Variants in NKAIN1 observed in about 807,000 individuals in gnomAD.
The protein encoded by NKAIN1 is sodium/potassium transporting ATPase interacting 1.
In NKAIN1, 13 loss-of-function variants were observed where a neutral mutation model predicts 31.6. That is an observed-to-expected ratio of 0.41 (90% confidence interval 0.27 to 0.65). The LOEUF (loss-of-function observed/expected upper bound fraction) is 0.65. Among genes scored for constraint, NKAIN1 ranks in the 30% least tolerant of loss-of-function variants. The pLI is 0.30. For missense variants in NKAIN1, 193 were observed against 262.2 expected (o/e 0.74, Z 1.82); for synonymous variants, 104 against 109.0 (o/e 0.95, Z 0.28).
chr1:31,234,632 G>A (rs1008752475), intron 1 of NKAIN1, among the ~76,000 whole-genome samples: 3 of 152,254 alleles, frequency 2.0e-5, no homozygotes, highest in South Asian at 2.1e-4. Context: ...GAGTGAATGC[G>A]TGTGTCCAAG....
Position 31,239,842 on chromosome 1 carries a change from A to G in NKAIN1, c.-295T>C, listed in dbSNP as rs1645722020. Among the ~76,000 whole-genome samples, 1 of 151,888 alleles carries G rather than the reference A, an allele frequency of 6.6e-6. No individual in the cohort carries two copies. Among genetic ancestry groups the G allele is most frequent in the African/African-American group, 2.4e-5 (1 of 41,392 alleles). On this transcript the variant is annotated 5_prime_UTR_variant, in exon 1 of 7. Transcript: ENST00000373736. This position sits in a 1 kb window ranked among gnomAD's most constrained non-coding sequence, Gnocchi z 4.8. ...CCGGGGCGGCTGGCGGGGAGCGCGGAGCAAGGAGAGCGAGCCCCGAGCGCG... is the reference window on the plus strand; with the variant it reads ...CCGGGGCGGCTGGCGGGGAGCGCGGGGCAAGGAGAGCGAGCCCCGAGCGCG...
chr1:31,187,870 C>T (rs1186500679), intron 2 of NKAIN1, among the ~76,000 whole-genome samples, 180 bp downstream of exon 2: 4 of 152,006 alleles, frequency 2.6e-5, no homozygotes, highest in African/African-American at 9.7e-5. Flanking sequence ...AAAAAAAACC[C>T]TTGTCTCCTC....
At chr1:31,194,837 T>C (rs1645312295) in intron 1 of NKAIN1, among the ~76,000 whole-genome samples, 1 of 142,104 alleles carries the variant, frequency 7.0e-6, no homozygotes, top group African/African-American at 2.6e-5. Context: ...AGTGGCGGGA[T>C]CTCAGCTCAC....
rs535805918 is a variant in NKAIN1 at position 31,221,501 on chromosome 1, T to A, written c.54+17993A>T. On this transcript the variant is annotated intron_variant, in intron 1 of 6. Coordinates refer to ENST00000373736, the MANE Select transcript of NKAIN1 (RefSeq NM_024522.3). ...GCCAGGCTGGAGTGCAGTGGTGCGG[T>A]CTCGGCTCACTGCAACATCCGCCTC... 4.4e-3 allele frequency among the ~76,000 whole-genome samples: 673 copies of A among 152,276 alleles called. 2 individuals are homozygous for A. Among genetic ancestry groups the A allele is most frequent in the Non-Finnish European group, 8.0e-3 (547 of 68,020 alleles).
At chr1:31,187,104 T>C (rs929478709) in intron 2 of NKAIN1, among the ~76,000 whole-genome samples, 1 of 152,228 alleles carries the variant, frequency 6.6e-6, no homozygotes, top group Non-Finnish European at 1.5e-5. Context: ...AGAGCCTTGT[T>C]AGGGTCCTGT....
At chr1:31,230,598 G>A (rs1248451877) in intron 1 of NKAIN1, among the ~76,000 whole-genome samples, 1 of 152,140 alleles carries the variant, frequency 6.6e-6, no homozygotes, top group East Asian at 1.9e-4. Flanking sequence ...TGAATCAATC[G>A]ACATCCCTCT....
chr1:31,213,311 C>A (rs182038871), intron 1 of NKAIN1, among the ~76,000 whole-genome samples: 1 of 152,196 alleles, frequency 6.6e-6, no homozygotes, highest in Admixed American at 6.5e-5. Flanking sequence ...AGAAGGTATA[C>A]AAGTGGCTGA....
chr1:31,196,930 C>A (rs539081544), intron 1 of NKAIN1, among the ~76,000 whole-genome samples: 1 of 151,972 alleles, frequency 6.6e-6, no homozygotes, highest in African/African-American at 2.4e-5. Context: ...ACTCTTGGCA[C>A]GGCACTAACC....
rs1645223315 is a variant in NKAIN1, at chr1:31,183,986, G to A, written c.302C>T (p.Thr101Ile). Residue 101 changes from threonine (T) to isoleucine (I), a missense_variant, in exon 4 of 7, where the codon ACA (threonine) becomes ATA (isoleucine). Coordinates refer to ENST00000373736, the MANE Select transcript of NKAIN1 (RefSeq NM_024522.3). The part of the protein sequence containing the change: ...QDRDFIMTFN[T>I]SLHRSWWMEN... ...CATCCACCAGGAGCGGTGCAGGGAT[G>A]TGTTGAAGGTCATGATGAAGTCCCG... 1.2e-6 allele frequency: 2 copies of A among 1,613,892 alleles called. No homozygotes were observed. The highest frequency in any genetic ancestry group is 2.7e-5 in the African/African-American group (2 of 74,906).
At chr1:31,204,127 T>C (rs529125101) in intron 1 of NKAIN1, among the ~76,000 whole-genome samples, 28 of 152,164 alleles carry the variant, frequency 1.8e-4, no homozygotes, top group East Asian at 7.7e-4. Flanking sequence ...TATGGACAGC[T>C]TGGAGGCCTG....
rs143069432 is a variant in NKAIN1, at chr1:31,200,111, G to A, written c.55-11924C>T. ...CACGCATTCACACACACGCACGCAC[G>A]CACACCCCTCTCTCCTGTCTTTCTT... On this transcript the variant is annotated intron_variant, in intron 1 of 6. Coordinates refer to ENST00000373736, the MANE Select transcript of NKAIN1 (RefSeq NM_024522.3). Among the ~76,000 whole-genome samples the A allele has an allele frequency of 1.2e-4, 19 of 152,192 alleles. 1 individual carries two copies. The East Asian group carries it at 2.7e-3, about 22-fold the overall frequency.
intron 1 of NKAIN1, among the ~76,000 whole-genome samples, chr1:31,232,416 T>TGG (rs1557664431): frequency 1.1e-3 from 37 of 34,260 alleles, no homozygotes; most frequent in African/African-American, 3.4e-3. Flanking sequence ...TATATATATA[T>TGG]ATATATATAG....
chr1:31,224,045 T>C (rs1206613749), intron 1 of NKAIN1, among the ~76,000 whole-genome samples: 1 of 152,194 alleles, frequency 6.6e-6, no homozygotes, highest in Non-Finnish European at 1.5e-5. Context: ...GCCTTATCAA[T>C]TGCTTGAATG....
intron 1 of NKAIN1, among the ~76,000 whole-genome samples, chr1:31,236,026 C>T (rs111384575): frequency 6.6e-6 from 1 of 152,082 alleles, no homozygotes; most frequent in South Asian, 2.1e-4. Flanking sequence ...TGCCAGAGTG[C>T]TAAATTCATT....
chr1:31,238,230 G>A (rs1645706480), intron 1 of NKAIN1, among the ~76,000 whole-genome samples: 1 of 152,202 alleles, frequency 6.6e-6, no homozygotes, highest in Admixed American at 6.5e-5. Context: ...CCCAGGAGGA[G>A]AGAAGCAAGA....
intron 1 of NKAIN1, among the ~76,000 whole-genome samples, chr1:31,216,690 T>TTTATTTA (rs1645515308): frequency 5.7e-5 from 8 of 140,570 alleles, no homozygotes; most frequent in East Asian, 2.2e-4. Flanking sequence ...TGGCATTGAC[T>TTTATTTA]TTTATTTATT....
Position 31,181,710 on chromosome 1 carries a change from G to C in NKAIN1, c.617C>G (p.Ser206Trp). ...GTGGGCGCGGGGCAGAGGCTACCCC[G>C]ACCTGCGGGAAACAAAGGCAGGTTA... ...SHLQLQPLYTSG is the reference protein window; with the variant it reads ...SHLQLQPLYTWG The change falls in exon 7 of 7, where the codon TCG becomes TGG. Residue 206 changes from serine to tryptophan, a missense_variant and splice_region_variant. Ser to Trp is a radical substitution (Grantham distance 177). Coordinates refer to ENST00000373736, the MANE Select transcript of NKAIN1 (RefSeq NM_024522.3). The C allele has an allele frequency of 2.7e-6, 4 of 1,486,444 alleles. No individual in the cohort carries two copies. Among genetic ancestry groups the C allele is most frequent in the Non-Finnish European group, 3.6e-6 (4 of 1,112,056 alleles). The allele number at this position is 1,486,444 out of a possible 1,614,324, so 92.1% of individuals were successfully genotyped here.
rs117099902 is a variant in NKAIN1 at position 31,184,775 on chromosome 1, A to T, written c.273+472T>A. Among the ~76,000 whole-genome samples the T allele has an allele frequency of 2.6e-5, 4 of 152,344 alleles. No homozygotes were observed. In the East Asian group the frequency reaches 5.8e-4, roughly 22 times the overall value. On this transcript the variant is annotated intron_variant, in intron 3 of 6. Transcript: ENST00000373736. ...GGGCTTGCTCTTATTCAAGCGAAACAGTCCTACTTTCTTGGTCTGCTCAAT... is the reference window on the plus strand; with the variant it reads ...GGGCTTGCTCTTATTCAAGCGAAACTGTCCTACTTTCTTGGTCTGCTCAAT...
chr1:31,191,559 G>T (rs968204554), intron 1 of NKAIN1, among the ~76,000 whole-genome samples: 1 of 152,080 alleles, frequency 6.6e-6, no homozygotes, highest in African/African-American at 2.4e-5. Context: ...CTCTTGAGAA[G>T]TTGTTGTGGG....
Sources: allele counts gnomAD v4.1 joint callset (sites outside exome capture counted in the v4.1 genomes callset), GRCh38; gene constraint gnomAD v4.1.1; non-coding constraint Gnocchi (gnomAD v3.1); transcripts MANE v1.5; gene names NCBI Gene and HGNC (gene_info 2026-07-23, HGNC 2026-07-21).